SAMMSON: variants seen among roughly 807,000 people sequenced by gnomAD.
SAMMSON encodes survival associated mitochondrial melanoma specific oncogenic non-coding RNA.
At chr3:70,396,699 A>G (rs1028117866) in intron 2 of SAMMSON, among the ~76,000 whole-genome samples, 3 of 152,242 alleles carry the variant, frequency 2.0e-5, no homozygotes, top group Non-Finnish European at 4.4e-5. Flanking sequence ...GAAATCAGAG[A>G]GTATATGTTA....
intron 4 of SAMMSON, among the ~76,000 whole-genome samples, chr3:70,235,732 C>T (rs1701600388): frequency 6.6e-6 from 1 of 152,178 alleles, no homozygotes; most frequent in South Asian, 2.1e-4. Context: ...CAAATCAGGC[C>T]ATTGATAATT....
intron 4 of SAMMSON, among the ~76,000 whole-genome samples, chr3:70,173,528 C>A (rs933409431): frequency 6.6e-6 from 1 of 151,816 alleles, no homozygotes; most frequent in Non-Finnish European, 1.5e-5. Flanking sequence ...ATTATATTAT[C>A]CTTGATCTTT....
intron 4 of SAMMSON, among the ~76,000 whole-genome samples, chr3:70,090,898 A>G (rs2067302719): frequency 6.6e-6 from 1 of 152,128 alleles, no homozygotes; most frequent in African/African-American, 2.4e-5. Flanking sequence ...ACTTAGATAA[A>G]TTTTGTATGC....
chr3:70,073,224 G>T (rs1162394899), intron 4 of SAMMSON, among the ~76,000 whole-genome samples: 3 of 152,064 alleles, frequency 2.0e-5, no homozygotes, highest in Non-Finnish European at 4.4e-5. Context: ...TGTGATTGCA[G>T]ATGTGCAGGT....
At chr3:70,059,031 G>A (rs2067178083) in intron 3 of SAMMSON, among the ~76,000 whole-genome samples, 1 of 152,056 alleles carries the variant, frequency 6.6e-6, no homozygotes, top group South Asian at 2.1e-4. Flanking sequence ...AAGTTCATAA[G>A]AAGTTAGTTC....
intron 7 of SAMMSON, among the ~76,000 whole-genome samples, chr3:70,316,251 C>G (rs746165530): frequency 3.3e-5 from 5 of 152,094 alleles, no homozygotes; most frequent in Non-Finnish European, 7.4e-5. Context: ...TTTGAACAAA[C>G]AAATAATCAG....
At chr3:70,277,253 G>T (rs1702036441) in intron 6 of SAMMSON, among the ~76,000 whole-genome samples, 1 of 152,146 alleles carries the variant, frequency 6.6e-6, no homozygotes, top group East Asian at 1.9e-4. Flanking sequence ...TGGAATTGTT[G>T]AAAGTGTTAG....
chr3:70,251,863 A>G (rs1159818803), intron 6 of SAMMSON, among the ~76,000 whole-genome samples: 1 of 152,196 alleles, frequency 6.6e-6, no homozygotes, highest in Non-Finnish European at 1.5e-5. Flanking sequence ...AGCAAGAAAG[A>G]AATAAATGCT....
chr3:70,044,829 ATTTTATATATTTTAAATG>A (rs903004212), intron 3 of SAMMSON, among the ~76,000 whole-genome samples: 5 of 148,724 alleles, frequency 3.4e-5, no homozygotes, highest in Non-Finnish European at 7.4e-5. Flanking sequence ...AATTGTAAAT[ATTTTATATATTTTAAATG>A]TTTTATATAA....
rs924652134 is a variant in SAMMSON at position 70,232,374 on chromosome 3, CAT to C, written n.508-16732_508-16731del. Among the ~76,000 whole-genome samples, 3 of 151,810 alleles carry C rather than the reference CAT, an allele frequency of 2.0e-5. No individual in the cohort carries two copies. The East Asian group carries it at 5.8e-4, about 29-fold the overall frequency. ...TGCCCACAATATTCACACCTCCACTCATGTGGCTGGACACAATGATGATGTTC... is the reference window on the plus strand; with the variant it reads ...TGCCCACAATATTCACACCTCCACTCGTGGCTGGACACAATGATGATGTTC... On this transcript the variant is annotated intron_variant and non_coding_transcript_variant, in intron 4 of 9. Coordinates refer to ENST00000642114, the Ensembl canonical transcript of SAMMSON.
At chr3:70,320,321 A>C (rs556221602) in intron 7 of SAMMSON, among the ~76,000 whole-genome samples, 10 of 152,102 alleles carry the variant, frequency 6.6e-5, no homozygotes, top group Non-Finnish European at 1.0e-4. Flanking sequence ...GTTACCATGT[A>C]GTAGGTGTGC....
At position 70,387,977 on chromosome 3, in the gene SAMMSON, G is replaced by T. The variant is rs1361580968; in HGVS notation, n.914-1597G>T. On this transcript the variant is annotated intron_variant and non_coding_transcript_variant, in intron 9 of 9. Transcript: ENST00000642114. ...TGCTACTTTTGAGCCTATTTTTTTT[G>T]GTTTGTTTTGGTTTTGTTTGTTTGT... 4.0e-5 allele frequency among the ~76,000 whole-genome samples: 6 copies of T among 151,686 alleles called. No individual in the cohort carries two copies. In the South Asian group the frequency reaches 1.2e-3, roughly 32 times the overall value.
chr3:70,110,738 C>T (rs1168381910), intron 4 of SAMMSON, among the ~76,000 whole-genome samples: 2 of 152,042 alleles, frequency 1.3e-5, no homozygotes, highest in East Asian at 1.9e-4. Context: ...ATGGGTGACC[C>T]ATTGTTGTGG....
chr3:70,122,118 G>A (rs2067437146), intron 4 of SAMMSON, among the ~76,000 whole-genome samples: 1 of 152,132 alleles, frequency 6.6e-6, no homozygotes, highest in African/African-American at 2.4e-5. Context: ...TAGTCATTGA[G>A]GATTTTATTT....
chr3:70,317,911 T>C (rs544918587), intron 7 of SAMMSON, among the ~76,000 whole-genome samples: 26 of 152,058 alleles, frequency 1.7e-4, no homozygotes, highest in African/African-American at 6.0e-4. Context: ...AGGATATTTA[T>C]GCTGAATATA....
At chr3:70,325,266 G>A (rs912210879) in intron 7 of SAMMSON, among the ~76,000 whole-genome samples, 1 of 152,094 alleles carries the variant, frequency 6.6e-6, no homozygotes, top group African/African-American at 2.4e-5. Context: ...GAAACATCCT[G>A]CACAATAAAG....
chr3:70,320,098 T>C (rs1702525971), intron 7 of SAMMSON, among the ~76,000 whole-genome samples: 1 of 152,036 alleles, frequency 6.6e-6, no homozygotes, highest in South Asian at 2.1e-4. Context: ...CCAAACTTCC[T>C]TCAAGCTTGA....
At chr3:70,133,797 T>G (rs989038900) in intron 4 of SAMMSON, among the ~76,000 whole-genome samples, 1 of 152,172 alleles carries the variant, frequency 6.6e-6, no homozygotes, top group Non-Finnish European at 1.5e-5. Flanking sequence ...ACAGTTGTTT[T>G]TTCCTTACTC....
chr3:70,414,166 A>G (rs1575644464), intron 2 of SAMMSON, among the ~76,000 whole-genome samples: 1 of 152,248 alleles, frequency 6.6e-6, no homozygotes, highest in Non-Finnish European at 1.5e-5. Context: ...TGTGTGAGGC[A>G]CAAATTTTGA....
Sources: allele counts gnomAD v4.1 joint callset (sites outside exome capture counted in the v4.1 genomes callset), GRCh38; gene constraint gnomAD v4.1.1; transcripts MANE v1.5; gene names NCBI Gene and HGNC (gene_info 2026-07-23, HGNC 2026-07-21).